The following PDZRN4 variants were observed in gnomAD, a reference collection of about 807,000 sequenced individuals.
PDZRN4 encodes the protein PDZ domain containing ring finger 4.
PDZRN4 carries 70 observed loss-of-function variants against 99.0 expected under a neutral mutation model. The ratio of observed to expected loss-of-function variants is 0.71; its 90% CI spans 0.58 to 0.86. The LOEUF (loss-of-function observed/expected upper bound fraction) is 0.86. Among genes scored for constraint, PDZRN4 ranks in the 40% least tolerant of loss-of-function variants. PDZRN4 has a pLI of 0.00. For missense variants in PDZRN4, 1,474 were observed against 1,331.2 expected (o/e 1.11, Z -1.67); for synonymous variants, 551 against 501.6 (o/e 1.10, Z -1.32).
chr12:41,354,817 A>G (rs1592025291), intron 3 of PDZRN4, among the ~76,000 whole-genome samples: 1 of 152,206 alleles, frequency 6.6e-6, no homozygotes, highest in East Asian at 1.9e-4. Context: ...ACACTCCTCC[A>G]TCACATTCCT....
At chr12:41,490,542 A>T (rs10880081) in intron 3 of PDZRN4, among the ~76,000 whole-genome samples, 23,063 of 152,036 alleles carry the variant, frequency 0.15, 2,163 homozygotes, top group Non-Finnish European at 0.21. Context: ...TCTATCTCAC[A>T]TATTAATTAC....
chr12:41,493,763 A>G (rs940970047), intron 3 of PDZRN4, among the ~76,000 whole-genome samples: 13 of 151,942 alleles, frequency 8.6e-5, no homozygotes, highest in Admixed American at 6.6e-4. Context: ...ACTTTGTCCT[A>G]TCTTATCTCA....
At chr12:41,517,788 AT>A (rs1276752553) in intron 5 of PDZRN4, among the ~76,000 whole-genome samples, 4 of 150,920 alleles carry the variant, frequency 2.7e-5, no homozygotes, top group African/African-American at 4.9e-5. Flanking sequence ...ATCAACCCAC[AT>A]TTTTTTTTAG....
At chr12:41,380,160 C>A (rs1285682741) in intron 3 of PDZRN4, among the ~76,000 whole-genome samples, 1 of 151,976 alleles carries the variant, frequency 6.6e-6, no homozygotes. Context: ...AATTTAGTCA[C>A]CCCTGCTCTC....
intron 6 of PDZRN4, among the ~76,000 whole-genome samples, chr12:41,553,007 T>C (rs1017816539): frequency 2.6e-5 from 4 of 152,200 alleles, no homozygotes; most frequent in Admixed American, 2.0e-4. Flanking sequence ...GTGGTAACAT[T>C]GTCCAAATTT....
At chr12:41,294,204 T>C (rs193281549) in intron 3 of PDZRN4, among the ~76,000 whole-genome samples, 4 of 152,314 alleles carry the variant, frequency 2.6e-5, no homozygotes, top group Non-Finnish European at 5.9e-5. Context: ...GGGAGATGCA[T>C]GAACTTTCAA....
chr12:41,322,307 C>T (rs1010745557), intron 3 of PDZRN4, among the ~76,000 whole-genome samples: 7 of 151,892 alleles, frequency 4.6e-5, no homozygotes, highest in African/African-American at 1.4e-4. Context: ...ATTATAGGCT[C>T]GAACCACTGT....
intron 3 of PDZRN4, among the ~76,000 whole-genome samples, chr12:41,391,887 G>A (rs189608278): frequency 2.0e-4 from 30 of 152,244 alleles, no homozygotes; most frequent in African/African-American, 6.3e-4. Flanking sequence ...TGATGAAGAC[G>A]AGGAAGCCCT....
chr12:41,188,538 C>A lies in PDZRN4; in HGVS notation c.83C>A (p.Pro28His). Reference protein sequence around the residue: ...CKLCGQVLEEPLCTPCGHVFC... With the variant: ...CKLCGQVLEEHLCTPCGHVFC... ...CTGTGCGGCCAGGTGCTTGAAGAGC[C>A]CCTGTGCACGCCGTGCGGGCACGTC... Residue 28 changes from proline to histidine, a missense_variant, in exon 1 of 10, where the codon CCC becomes CAC. Physicochemically the swap from Pro to His is moderately conservative, Grantham distance 77 (BLOSUM62 -2). Coordinates refer to ENST00000402685, the MANE Select transcript of PDZRN4 (RefSeq NM_001164595.2). 1 of 1,575,206 alleles carries A rather than the reference C, an allele frequency of 6.3e-7. No homozygotes were observed. The highest frequency in any genetic ancestry group is 2.3e-5 in the East Asian group (1 of 43,370).
chr12:41,486,493 C>T (rs996793345), intron 3 of PDZRN4, among the ~76,000 whole-genome samples: 1 of 152,100 alleles, frequency 6.6e-6, no homozygotes, highest in Non-Finnish European at 1.5e-5. Flanking sequence ...CTATATAATG[C>T]ATCATGCTGG....
At chr12:41,339,535 C>T in intron 3 of PDZRN4, among the ~76,000 whole-genome samples, 1 of 151,872 alleles carries the variant, frequency 6.6e-6, no homozygotes, top group Non-Finnish European at 1.5e-5. Flanking sequence ...TAAGTAATAC[C>T]CAAAAAGCAT....
At chr12:41,461,711 C>G (rs1351896372) in intron 3 of PDZRN4, among the ~76,000 whole-genome samples, 1 of 152,046 alleles carries the variant, frequency 6.6e-6, no homozygotes, top group African/African-American at 2.4e-5. Flanking sequence ...ACCTTTAGAC[C>G]CAATTGAAAT....
At chr12:41,255,413 GT>G (rs1555219804) in intron 3 of PDZRN4, among the ~76,000 whole-genome samples, 4 of 151,458 alleles carry the variant, frequency 2.6e-5, no homozygotes, top group African/African-American at 9.7e-5. Context: ...AGAAAGTTTT[GT>G]TTTTTTTGTT....
At chr12:41,558,391 C>T (rs556509386) in intron 7 of PDZRN4, among the ~76,000 whole-genome samples, 1 of 152,292 alleles carries the variant, frequency 6.6e-6, no homozygotes, top group African/African-American at 2.4e-5. Context: ...GTACTTCTTC[C>T]TCTTGCCATC....
chr12:41,450,541 T>C (rs1282890475), intron 3 of PDZRN4, among the ~76,000 whole-genome samples: 2 of 152,194 alleles, frequency 1.3e-5, no homozygotes, highest in Non-Finnish European at 2.9e-5. Flanking sequence ...AGGAAAGATA[T>C]CTTTACTGTC....
chr12:41,389,527 T>C (rs1286217731), intron 3 of PDZRN4, among the ~76,000 whole-genome samples: 3 of 152,160 alleles, frequency 2.0e-5, no homozygotes, highest in Non-Finnish European at 4.4e-5. Context: ...TACTATACCA[T>C]GTTTATCTTG....
intron 3 of PDZRN4, among the ~76,000 whole-genome samples, chr12:41,328,799 CAGG>C (rs1427563888): frequency 6.6e-6 from 1 of 152,104 alleles, no homozygotes; most frequent in African/African-American, 2.4e-5. Context: ...CTCAGGAAGA[CAGG>C]AGACAGACAT....
chr12:41,316,897 T>C (rs1951641778), intron 3 of PDZRN4, among the ~76,000 whole-genome samples: 1 of 151,522 alleles, frequency 6.6e-6, no homozygotes, highest in African/African-American at 2.4e-5. Flanking sequence ...TCTGTTTTCC[T>C]GTCCATCACA....
intron 5 of PDZRN4, among the ~76,000 whole-genome samples, chr12:41,533,180 CTT>C (rs56755593): frequency 1.4e-5 from 2 of 144,868 alleles, no homozygotes; most frequent in Admixed American, 6.9e-5. Flanking sequence ...TTTTTCTTTT[CTT>C]TTTTTTTTTT....
Sources: gnomAD v4.1 joint callset for allele counts (sites outside exome capture counted in the v4.1 genomes callset) on GRCh38, gnomAD v4.1.1 for gene constraint, MANE v1.5 for transcripts, NCBI Gene and HGNC (gene_info 2026-07-23, HGNC 2026-07-21) for gene names.